PTPRD: variants seen among roughly 807,000 people sequenced by gnomAD.
The protein encoded by PTPRD is receptor-type tyrosine-protein phosphatase delta.
PTPRD carries 34 observed loss-of-function variants against 214.5 expected under a neutral mutation model. The ratio of observed to expected loss-of-function variants is 0.16; its 90% CI spans 0.12 to 0.21. The LOEUF (loss-of-function observed/expected upper bound fraction) is 0.21. PTPRD is among the 10% of genes least tolerant of loss of function. The pLI, the probability that PTPRD is intolerant of heterozygous loss-of-function variation, is 1.00. For missense variants in PTPRD, 2,545 were observed against 2,398.7 expected (o/e 1.06, Z -1.27); for synonymous variants, 1,128 against 845.7 (o/e 1.33, Z -5.79).
chr9:9,595,304 ATATATATTATATATATTT>A (rs1418802017), intron 7 of PTPRD, among the ~76,000 whole-genome samples: 4 of 76,440 alleles, frequency 5.2e-5, no homozygotes, highest in African/African-American at 1.3e-4. Context: ...ATATATATAT[ATATATATTATATATATTT>A]TATATATATA....
At chr9:9,724,114 G>C (rs886422328) in intron 7 of PTPRD, among the ~76,000 whole-genome samples, 1 of 152,038 alleles carries the variant, frequency 6.6e-6, no homozygotes, top group Admixed American at 6.6e-5. Flanking sequence ...GATGTTTTTT[G>C]TTATTGTTGT....
chr9:8,461,503 T>C (rs2096401516), intron 32 of PTPRD, among the ~76,000 whole-genome samples: 1 of 151,964 alleles, frequency 6.6e-6, no homozygotes, highest in South Asian at 2.1e-4. Context: ...CAAGGCCCTA[T>C]CTTCCACTTT....
At chr9:9,693,867 A>G (rs1934264) in intron 7 of PTPRD, among the ~76,000 whole-genome samples, 59,307 of 152,010 alleles carry the variant, frequency 0.39, 11,832 homozygotes, top group Admixed American at 0.51. Flanking sequence ...TGCTTGATCA[A>G]TTCTGCTATT....
At chr9:10,482,046 A>C (rs976983473) in intron 2 of PTPRD, among the ~76,000 whole-genome samples, 3 of 152,158 alleles carry the variant, frequency 2.0e-5, no homozygotes, top group Admixed American at 6.5e-5. Flanking sequence ...TAAAAAAGTG[A>C]ATAAAAATAA....
At chr9:8,686,879 CAAGT>C (rs1382007246) in intron 12 of PTPRD, among the ~76,000 whole-genome samples, 1 of 152,166 alleles carries the variant, frequency 6.6e-6, no homozygotes, top group Non-Finnish European at 1.5e-5. Flanking sequence ...TATATTCTCT[CAAGT>C]AAGAGAACCA....
chr9:10,385,251 T>C (rs2097894773), intron 2 of PTPRD, among the ~76,000 whole-genome samples: 1 of 151,774 alleles, frequency 6.6e-6, no homozygotes, highest in South Asian at 2.1e-4. Context: ...ATACATATCC[T>C]CATGTTCTGG....
intron 5 of PTPRD, among the ~76,000 whole-genome samples, chr9:9,896,550 C>T (rs898828614): frequency 6.6e-6 from 1 of 151,914 alleles, no homozygotes; most frequent in Non-Finnish European, 1.5e-5. Context: ...AAAAAATCTA[C>T]AATGATTGGC....
In PTPRD at chr9:10,325,734, C is replaced by T. The variant is rs184435899; in HGVS notation, c.-545+15229G>A. Among the ~76,000 whole-genome samples the T allele has an allele frequency of 2.0e-3, 303 of 151,942 alleles. 2 individuals are homozygous for T. The highest frequency in any genetic ancestry group is 6.6e-3 in the African/African-American group (276 of 41,504). On this transcript the variant is annotated intron_variant, in intron 3 of 45. Coordinates refer to ENST00000381196, the MANE Select transcript of PTPRD (RefSeq NM_002839.4). ...TTAAATTTGTTTAACCTGTAAGATA[C>T]ATATCATATTCAATAATTAGTTAAT...
At chr9:10,205,663 C>G (rs1343442387) in intron 3 of PTPRD, among the ~76,000 whole-genome samples, 1 of 151,998 alleles carries the variant, frequency 6.6e-6, no homozygotes, top group Non-Finnish European at 1.5e-5. Context: ...TGCCTTGGCC[C>G]CAAAGTGCTG....
chr9:9,553,173 G>A (rs184180269), intron 8 of PTPRD, among the ~76,000 whole-genome samples: 51 of 152,100 alleles, frequency 3.4e-4, no homozygotes, highest in African/African-American at 1.2e-3. Context: ...GATTTCCTTT[G>A]ATATTGTGAA....
At chr9:8,562,416 A>G (rs1278574228) in intron 14 of PTPRD, among the ~76,000 whole-genome samples, 5 of 146,752 alleles carry the variant, frequency 3.4e-5, no homozygotes, top group African/African-American at 1.3e-4. Flanking sequence ...TCTCATAATA[A>G]TTTATTTATT....
chr9:10,232,215 C>A (rs969778723), intron 3 of PTPRD, among the ~76,000 whole-genome samples: 2 of 151,784 alleles, frequency 1.3e-5, no homozygotes. Context: ...GCTAAATACA[C>A]CTTTTTTCCT....
intron 30 of PTPRD, among the ~76,000 whole-genome samples, chr9:8,474,421 C>G (rs1432538447): frequency 1.3e-5 from 2 of 152,114 alleles, no homozygotes; most frequent in African/African-American, 4.8e-5. Context: ...CTTCAATTCT[C>G]CCTTTCCAAA....
At chr9:9,768,212 G>C (rs2098722020) in intron 5 of PTPRD, among the ~76,000 whole-genome samples, 1 of 152,042 alleles carries the variant, frequency 6.6e-6, no homozygotes, top group Non-Finnish European at 1.5e-5. Context: ...CAACGCTGTA[G>C]ACTACTTACA....
chr9:9,706,732 G>T (rs1161778765), intron 7 of PTPRD, among the ~76,000 whole-genome samples: 1 of 151,980 alleles, frequency 6.6e-6, no homozygotes, highest in African/African-American at 2.4e-5. Flanking sequence ...GAGCCACCAT[G>T]CCTGGCCTAC....
chr9:9,290,937 T>G (rs1950957616), intron 9 of PTPRD, among the ~76,000 whole-genome samples: 1 of 151,406 alleles, frequency 6.6e-6, no homozygotes, highest in South Asian at 2.1e-4. Context: ...AAATATGAAT[T>G]GGTCATAGAA....
intron 2 of PTPRD, among the ~76,000 whole-genome samples, chr9:10,507,454 A>T (rs1270507052): frequency 6.6e-6 from 1 of 152,144 alleles, no homozygotes; most frequent in Non-Finnish European, 1.5e-5. Flanking sequence ...ACTACTTTAA[A>T]GATCATATGG....
intron 11 of PTPRD, among the ~76,000 whole-genome samples, chr9:8,748,987 A>G (rs961393206): frequency 6.6e-6 from 1 of 150,778 alleles, no homozygotes; most frequent in Non-Finnish European, 1.5e-5. Context: ...TTTAGTGCTT[A>G]TTTCAACACA....
chr9:9,132,736 G>A (rs991340544), intron 10 of PTPRD, among the ~76,000 whole-genome samples: 1 of 152,174 alleles, frequency 6.6e-6, no homozygotes, highest in Non-Finnish European at 1.5e-5. Context: ...TGTAGGCAAT[G>A]TTGCAGATTC....
Sources: gnomAD v4.1 joint callset for allele counts (sites outside exome capture counted in the v4.1 genomes callset) on GRCh38, gnomAD v4.1.1 for gene constraint, MANE v1.5 for transcripts, NCBI Gene and HGNC (gene_info 2026-07-23, HGNC 2026-07-21) for gene names.